Variants in BTBD9 observed in about 807,000 individuals in gnomAD.
The protein encoded by BTBD9 is BTB domain containing 9.
Under a neutral mutation model 64.3 loss-of-function variants are expected in BTBD9, and 49 were observed. The ratio of observed to expected loss-of-function variants is 0.76; its 90% CI spans 0.61 to 0.97. The LOEUF is 0.97. Among genes scored for constraint, BTBD9 ranks in the 50% least tolerant of loss-of-function variants. The pLI is 0.00. For missense variants in BTBD9, 598 were observed against 762.1 expected, an observed-to-expected ratio of 0.78 and a Z score of 2.53; for synonymous variants, 260 against 274.7, an observed-to-expected ratio of 0.95 and a Z score of 0.53.
intron 6 of BTBD9, among the ~76,000 whole-genome samples, chr6:38,459,003 C>G (rs1769947633): frequency 6.6e-6 from 1 of 151,946 alleles, no homozygotes; most frequent in African/African-American, 2.4e-5. Context: ...AAAGTCTGAC[C>G]ATGCTTTTAT....
At chr6:38,386,450 T>G (rs921485197) in intron 6 of BTBD9, among the ~76,000 whole-genome samples, 1 of 152,096 alleles carries the variant, frequency 6.6e-6, no homozygotes, top group Non-Finnish European at 1.5e-5. Context: ...AGACTTCAGT[T>G]GAAAGTGAAT....
chr6:38,499,155 A>C (rs567078244), intron 6 of BTBD9, among the ~76,000 whole-genome samples: 51 of 151,802 alleles, frequency 3.4e-4, no homozygotes, highest in Non-Finnish European at 5.4e-4. Flanking sequence ...AAAAAAAAAA[A>C]CAGAGAAAAA....
intron 6 of BTBD9, among the ~76,000 whole-genome samples, chr6:38,511,238 C>T (rs1263689861): frequency 1.3e-5 from 2 of 152,060 alleles, no homozygotes; most frequent in Non-Finnish European, 2.9e-5. Context: ...ACTTATCCTT[C>T]AAGACCTAGA....
At chr6:38,341,355 G>C (rs1190925128) in intron 7 of BTBD9, among the ~76,000 whole-genome samples, 1 of 151,754 alleles carries the variant, frequency 6.6e-6, no homozygotes, top group Non-Finnish European at 1.5e-5. Context: ...GTATAATAAA[G>C]TATTTATAGG....
rs80239458 is a variant in BTBD9, at chr6:38,207,024, A to G, written c.1563-14427T>C. On this transcript the variant is annotated intron_variant, in intron 9 of 10. Coordinates refer to ENST00000481247, the MANE Select transcript of BTBD9 (RefSeq NM_001099272.2). ...AAATGCACATACCCCTAGAGCCAGC[A>G]ATTCCCTTATACTACTTTAATTTAT... is the stretch of plus-strand genomic sequence containing the variant. Among the ~76,000 whole-genome samples, 211 of 152,332 alleles carry G rather than the reference A, an allele frequency of 1.4e-3. 5 individuals carry two copies. The East Asian group carries it at 0.033, about 24-fold the overall frequency.
intron 6 of BTBD9, among the ~76,000 whole-genome samples, chr6:38,483,474 C>T (rs1771256989): frequency 6.6e-6 from 1 of 152,010 alleles, no homozygotes; most frequent in Non-Finnish European, 1.5e-5. Flanking sequence ...TCCATTCTCA[C>T]ACTAGATCAC....
chr6:38,321,376 A>C (rs1381867328), intron 7 of BTBD9, among the ~76,000 whole-genome samples: 1 of 152,212 alleles, frequency 6.6e-6, no homozygotes, highest in African/African-American at 2.4e-5. Context: ...TCAAATGTTC[A>C]TAATTTCCTT....
intron 8 of BTBD9, among the ~76,000 whole-genome samples, chr6:38,274,796 G>T (rs1246598063): frequency 6.6e-6 from 1 of 151,992 alleles, no homozygotes; most frequent in Admixed American, 6.6e-5. Context: ...TTTTATTGAG[G>T]ATTTTTGCAT....
intron 5 of BTBD9, among the ~76,000 whole-genome samples, chr6:38,579,893 C>G (rs1198101026): frequency 1.3e-5 from 2 of 151,702 alleles, no homozygotes; most frequent in Admixed American, 1.3e-4. Flanking sequence ...TGTGTCCATG[C>G]ATAATTGAAA....
At chr6:38,503,062 G>A (rs1212655871) in intron 6 of BTBD9, among the ~76,000 whole-genome samples, 6 of 152,032 alleles carry the variant, frequency 3.9e-5, no homozygotes, top group Non-Finnish European at 8.8e-5. Flanking sequence ...GAAAAGGGAG[G>A]GAAGTGAGTT....
intron 7 of BTBD9, among the ~76,000 whole-genome samples, chr6:38,337,218 T>C (rs960769661): frequency 6.6e-6 from 1 of 152,214 alleles, no homozygotes; most frequent in African/African-American, 2.4e-5. Context: ...CAGAGGACAT[T>C]CACTTTACTA....
intron 10 of BTBD9, among the ~76,000 whole-genome samples, chr6:38,183,349 G>A (rs1376916120): frequency 6.6e-6 from 1 of 152,218 alleles, no homozygotes; most frequent in East Asian, 1.9e-4. Context: ...CACTGGGAAG[G>A]AAGCTTTAAG....
At chr6:38,633,790 GC>G (rs1778438669) in intron 1 of BTBD9, among the ~76,000 whole-genome samples, 1 of 151,358 alleles carries the variant, frequency 6.6e-6, no homozygotes, top group Non-Finnish European at 1.5e-5. Flanking sequence ...AAATTTGATT[GC>G]TAAAAAAAAA....
intron 6 of BTBD9, among the ~76,000 whole-genome samples, chr6:38,421,700 T>A (rs930172166): frequency 2.0e-5 from 3 of 152,222 alleles, no homozygotes; most frequent in African/African-American, 7.2e-5. Flanking sequence ...AGGCCGACTC[T>A]ACTGAATTTT....
At chr6:38,446,155 C>T (rs1769268781) in intron 6 of BTBD9, among the ~76,000 whole-genome samples, 1 of 152,096 alleles carries the variant, frequency 6.6e-6, no homozygotes, top group African/African-American at 2.4e-5. Context: ...TGCAGACTTG[C>T]CACTTTCTAG....
chr6:38,465,749 A>ATG (rs1279268427), intron 6 of BTBD9, among the ~76,000 whole-genome samples: 285 of 38,338 alleles, frequency 7.4e-3, no homozygotes, highest in Non-Finnish European at 8.3e-3. Context: ...ATATATATAT[A>ATG]TATATATGTA....
chr6:38,463,458 C>T lies in BTBD9; in HGVS notation c.1154+114142G>A, dbSNP rs145598433. ...GTGGATATCCCCAACATAGTCCTGA[C>T]GTTAGGAGGAGAGAGTATGTAACTT... On this transcript the variant is annotated intron_variant, in intron 6 of 10. Coordinates refer to ENST00000481247, the MANE Select transcript of BTBD9 (RefSeq NM_001099272.2). 3.1e-3 allele frequency among the ~76,000 whole-genome samples: 479 copies of T among 152,262 alleles called. 2 individuals are homozygous for T. Among genetic ancestry groups the T allele is most frequent in the African/African-American group, 0.011 (456 of 41,570 alleles).
chr6:38,202,210 G>A lies in BTBD9; in HGVS notation c.1563-9613C>T, dbSNP rs537849489. Among the ~76,000 whole-genome samples the A allele has an allele frequency of 1.0e-4, 15 of 149,318 alleles. No homozygotes were observed. In the South Asian group the frequency reaches 2.3e-3, roughly 23 times the overall value. On this transcript the variant is annotated intron_variant, in intron 9 of 10. Coordinates refer to ENST00000481247, the MANE Select transcript of BTBD9 (RefSeq NM_001099272.2). ...AGCGATTCTCCTGCCTCAGCCTCCC[G>A]AGTAGCTGGGACTATGAGTGTGCGG...
At chr6:38,587,392 A>C in intron 4 of BTBD9, 2 of 492,220 alleles carry the variant, frequency 4.1e-6, no homozygotes, top group South Asian at 3.4e-5. Context: ...TATTCCAAAA[A>C]TTCCTATTCA....
Sources: allele counts gnomAD v4.1 joint callset (sites outside exome capture counted in the v4.1 genomes callset), GRCh38; gene constraint gnomAD v4.1.1; transcripts MANE v1.5; gene names NCBI Gene and HGNC (gene_info 2026-07-23, HGNC 2026-07-21).